CD274: variants seen among roughly 807,000 people sequenced by gnomAD.
CD274 encodes CD274 molecule.
CD274 carries 8 observed loss-of-function variants against 30.1 expected under a neutral mutation model. The observed-to-expected ratio is 0.27, with a 90% CI of 0.16 to 0.48. The LOEUF (loss-of-function observed/expected upper bound fraction) is 0.48, where lower values mean the gene tolerates loss of function less well. Among genes scored for constraint, CD274 ranks in the 20% least tolerant of loss-of-function variants. CD274 has a pLI of 0.99. For missense variants in CD274, 353 were observed against 346.6 expected (o/e 1.02, Z -0.15); for synonymous variants, 152 against 124.6 (o/e 1.22, Z -1.46).
intron 5 of CD274, among the ~76,000 whole-genome samples, chr9:5,466,099 G>T (rs1819494009): frequency 6.6e-6 from 1 of 152,208 alleles, no homozygotes; most frequent in Non-Finnish European, 1.5e-5. Context: ...CCAGGAAAAT[G>T]AGTATATTCA....
chr9:5,451,726 G>A (rs1819207224), intron 1 of CD274, among the ~76,000 whole-genome samples: 1 of 152,222 alleles, frequency 6.6e-6, no homozygotes, highest in South Asian at 2.1e-4. Flanking sequence ...ATGTACAAGA[G>A]TGTCTCAGTG....
intron 4 of CD274, 97 bp downstream of exon 4, chr9:5,463,218 T>C: frequency 6.5e-6 from 6 of 916,092 alleles, no homozygotes; most frequent in Non-Finnish European, 8.7e-6. Flanking sequence ...GATTGTTGAA[T>C]AAATGAATGA....
Position 5,468,717 on chromosome 9 carries a change from A to G in CD274, c.*855A>G, listed in dbSNP as rs1374146309. 2.6e-5 allele frequency: 6 copies of G among 232,998 alleles called. No individual in the cohort carries two copies. The highest frequency in any genetic ancestry group is 4.2e-5 in the Non-Finnish European group (5 of 117,936). 14.4% of individuals were successfully genotyped at this position (232,998 alleles called of 1,614,324 possible). A position where few individuals can be genotyped will look rare whatever the true frequency, so the allele number is the denominator to read the frequency against. ...TAACCACCCTGTTGTGATAACCACTATTATTTTACCCATCGTACAGCTGAG... is the reference window on the plus strand; with the variant it reads ...TAACCACCCTGTTGTGATAACCACTGTTATTTTACCCATCGTACAGCTGAG... On this transcript the variant is annotated 3_prime_UTR_variant, in exon 7 of 7. Coordinates refer to ENST00000381577, the MANE Select transcript of CD274 (RefSeq NM_014143.4).
chr9:5,454,673 T>C (rs916341775), intron 1 of CD274, among the ~76,000 whole-genome samples: 1 of 152,074 alleles, frequency 6.6e-6, no homozygotes, highest in Non-Finnish European at 1.5e-5. Context: ...TTTAGTAGGA[T>C]AGATTTCTAG....
chr9:5,464,518 G>C (rs192738856), intron 4 of CD274, among the ~76,000 whole-genome samples: 3 of 152,284 alleles, frequency 2.0e-5, no homozygotes, highest in East Asian at 3.9e-4. Context: ...CTAAGGGTGA[G>C]AGGTGGGAGT....
In CD274 at chr9:5,462,886, T is replaced by A. The variant is rs776530789; in HGVS notation, c.447T>A (p.Ser149=). The part of the protein sequence containing the change: ...QRILVVDPVT[S]EHELTCQAEG... ...TTTTGGTTGTGGATCCAGTCACCTC[T>A]GAACATGAACTGACATGTCAGGCTG... The change falls in exon 4 of 7, where the codon TCT becomes TCA. Residue 149 remains serine (S), a synonymous_variant. Coordinates refer to ENST00000381577, the MANE Select transcript of CD274 (RefSeq NM_014143.4). The A allele has an allele frequency of 1.9e-6, 3 of 1,614,050 alleles. No homozygotes were observed.
chr9:5,468,661 A>G lies in CD274; in HGVS notation c.*799A>G, dbSNP rs1819537232. 1.7e-5 allele frequency: 4 copies of G among 232,904 alleles called. No homozygotes were observed. In the Admixed American group the frequency reaches 2.3e-4, roughly 13 times the overall value. The allele number at this position is 232,904 out of a possible 1,614,324, so 14.4% of individuals were successfully genotyped here. On this transcript the variant is annotated 3_prime_UTR_variant, in exon 7 of 7. Coordinates refer to ENST00000381577, the MANE Select transcript of CD274 (RefSeq NM_014143.4). ...AATATCAGCTTTACAATTATGTGGT[A>G]GCCTACACACATAATCTCATTTCAT...
chr9:5,456,556 AAG>A (rs1819306928), intron 2 of CD274, among the ~76,000 whole-genome samples: 1 of 152,328 alleles, frequency 6.6e-6, no homozygotes, highest in Admixed American at 6.5e-5. Flanking sequence ...TACTTTAAGG[AAG>A]AATTGTAAGA....
chr9:5,454,077 G>A (rs191447445), intron 1 of CD274, among the ~76,000 whole-genome samples: 3 of 152,028 alleles, frequency 2.0e-5, no homozygotes, highest in Non-Finnish European at 4.4e-5. Context: ...ATTATTCTAC[G>A]TCAGTTTGGA....
At chr9:5,463,501 GAA>G (rs1819444377) in intron 4 of CD274, among the ~76,000 whole-genome samples, 2 of 152,174 alleles carry the variant, frequency 1.3e-5, no homozygotes, top group South Asian at 4.1e-4. Context: ...TACCTGAGAG[GAA>G]TACTCAATTC....
At chr9:5,464,535 C>A (rs1819464005) in intron 4 of CD274, among the ~76,000 whole-genome samples, 1 of 152,088 alleles carries the variant, frequency 6.6e-6, no homozygotes, top group South Asian at 2.1e-4. Flanking sequence ...GAGTTAGCAG[C>A]CTCTGAACAT....
At chr9:5,456,948 G>A (rs1042351884) in intron 2 of CD274, 131 bp from the exon 3 acceptor site, 5 of 635,372 alleles carry the variant, frequency 7.9e-6, no homozygotes, top group South Asian at 3.9e-5. Flanking sequence ...GATAAAATAT[G>A]TGTTTAGCAA....
Position 5,459,805 on chromosome 9 carries a change from C to T in CD274, c.394+2385C>T, listed in dbSNP as rs562889894. On this transcript the variant is annotated intron_variant, in intron 3 of 6. Coordinates refer to ENST00000381577, the MANE Select transcript of CD274 (RefSeq NM_014143.4). ...TTTCAGAACCTTCAATGAGATTAGGCAGCTGAAAGATCAAAGTGTTGCATA... is the reference window on the plus strand; with the variant it reads ...TTTCAGAACCTTCAATGAGATTAGGTAGCTGAAAGATCAAAGTGTTGCATA... Among the ~76,000 whole-genome samples, 3 of 152,224 alleles carry T rather than the reference C, an allele frequency of 2.0e-5. No individual in the cohort carries two copies. In the East Asian group the frequency reaches 5.8e-4, roughly 29 times the overall value.
chr9:5,468,732 G>T lies in CD274; in HGVS notation c.*870G>T. 1 of 232,946 alleles carries T rather than the reference G, an allele frequency of 4.3e-6. No homozygotes were observed. The highest frequency in any genetic ancestry group is 8.5e-6 in the Non-Finnish European group (1 of 117,888). The allele number at this position is 232,946 out of a possible 1,614,324, so 14.4% of individuals were successfully genotyped here. On this transcript the variant is annotated 3_prime_UTR_variant, in exon 7 of 7. Coordinates refer to ENST00000381577, the MANE Select transcript of CD274 (RefSeq NM_014143.4). ...GATAACCACTATTATTTTACCCATCGTACAGCTGAGGAAGCAAACAGATTA... is the reference window on the plus strand; with the variant it reads ...GATAACCACTATTATTTTACCCATCTTACAGCTGAGGAAGCAAACAGATTA...
intron 1 of CD274, among the ~76,000 whole-genome samples, chr9:5,451,872 G>T (rs1190885184): frequency 2.0e-5 from 3 of 151,974 alleles, no homozygotes; most frequent in Non-Finnish European, 2.9e-5. Flanking sequence ...TAGAGATGGG[G>T]CTCTTGTTAT....
chr9:5,467,807 C>T (rs2131235378), intron 6 of CD274, 33 bp from the exon 7 acceptor site: 2 of 1,574,154 alleles, frequency 1.3e-6, no homozygotes, highest in Non-Finnish European at 1.7e-6. Flanking sequence ...AGACCACTTC[C>T]CATGAAATTA....
rs1819525605 is a variant in CD274 at position 5,467,981 on chromosome 9, C to T, written c.*119C>T. On this transcript the variant is annotated 3_prime_UTR_variant, in exon 7 of 7. Transcript: ENST00000381577. ...CCCGTGGGATGCAGGCAATGTGGGACTTAAAAGGCCCAAGCACTGAAAATG... is the reference window on the plus strand; with the variant it reads ...CCCGTGGGATGCAGGCAATGTGGGATTTAAAAGGCCCAAGCACTGAAAATG... 1.2e-6 allele frequency: 1 copy of T among 840,852 alleles called. No homozygotes were observed. The highest frequency in any genetic ancestry group is 2.0e-6 in the Non-Finnish European group (1 of 493,500). 52.1% of individuals were successfully genotyped at this position (840,852 alleles called of 1,614,324 possible).
At chr9:5,464,009 T>A (rs372815181) in intron 4 of CD274, among the ~76,000 whole-genome samples, 1 of 152,010 alleles carries the variant, frequency 6.6e-6, no homozygotes, top group East Asian at 1.9e-4. Flanking sequence ...CCTCCCCCAA[T>A]ACATGTTGAT....
intron 5 of CD274, 89 bp downstream of exon 5, chr9:5,465,695 T>G (rs1819487167): frequency 1.3e-6 from 1 of 773,086 alleles, no homozygotes; most frequent in Admixed American, 2.1e-5. Flanking sequence ...CGACTTAACC[T>G]CTGCAAGGTG....
Sources: gnomAD v4.1 joint callset for allele counts (sites outside exome capture counted in the v4.1 genomes callset) on GRCh38, gnomAD v4.1.1 for gene constraint, MANE v1.5 for transcripts, NCBI Gene and HGNC (gene_info 2026-07-23, HGNC 2026-07-21) for gene names.